Variants in AHCYL2 observed in about 807,000 individuals in gnomAD.
AHCYL2 encodes adenosylhomocysteinase like 2.
A neutral mutation model predicts 81.4 loss-of-function variants in AHCYL2; 28 were observed. The observed-to-expected ratio is 0.34, with a 90% CI of 0.25 to 0.47. AHCYL2 has a LOEUF of 0.47. Among genes scored for constraint, AHCYL2 ranks in the 20% least tolerant of loss-of-function variants. The probability of loss-of-function intolerance (pLI) is 1.00; values close to 1 mark genes in which losing one functional copy is unlikely to be tolerated. For missense variants in AHCYL2, 551 were observed against 785.1 expected, an observed-to-expected ratio of 0.70 and a Z score of 3.56; for synonymous variants, 272 against 290.2, an observed-to-expected ratio of 0.94 and a Z score of 0.64.
chr7:129,277,812 T>C (rs1366363362), intron 1 of AHCYL2, among the ~76,000 whole-genome samples: 1 of 152,212 alleles, frequency 6.6e-6, no homozygotes, highest in African/African-American at 2.4e-5. Context: ...CATCGTATGG[T>C]TAGACCACAT....
chr7:129,415,178 C>A (rs1796785537), intron 12 of AHCYL2, among the ~76,000 whole-genome samples: 1 of 152,120 alleles, frequency 6.6e-6, no homozygotes, highest in Admixed American at 6.5e-5. Flanking sequence ...GCTGAATGAT[C>A]AAGGATATTA....
At chr7:129,331,863 T>TAA (rs200561975) in intron 1 of AHCYL2, among the ~76,000 whole-genome samples, 1 of 150,690 alleles carries the variant, frequency 6.6e-6, no homozygotes, top group African/African-American at 2.4e-5. Context: ...TTAATTTAAT[T>TAA]AAAAAATATA....
intron 12 of AHCYL2, among the ~76,000 whole-genome samples, chr7:129,415,741 A>G (rs1193102546): frequency 6.6e-6 from 1 of 152,148 alleles, no homozygotes; most frequent in Non-Finnish European, 1.5e-5. Flanking sequence ...ACTTGAGCCC[A>G]GGAGTTCGAG....
intron 1 of AHCYL2, among the ~76,000 whole-genome samples, chr7:129,364,318 G>A (rs987925046): frequency 2.0e-5 from 3 of 151,778 alleles, no homozygotes; most frequent in Non-Finnish European, 4.4e-5. Flanking sequence ...TTTTTGAGAC[G>A]GAGTCTCACT....
rs537638912 is a variant in AHCYL2, at chr7:129,404,547, C to T, written c.1026-550C>T. ...AAAATTAGCTGAGTGTGGTGGCGGG[C>T]GCCTATAATCCCAGCTACTCAGGAG... On this transcript the variant is annotated intron_variant, in intron 7 of 16. Coordinates refer to ENST00000325006, the MANE Select transcript of AHCYL2 (RefSeq NM_015328.4). Among the ~76,000 whole-genome samples the T allele has an allele frequency of 4.6e-5, 7 of 152,194 alleles. No homozygotes were observed. In the South Asian group the frequency reaches 1.0e-3, roughly 23 times the overall value.
chr7:129,392,196 C>T (rs1795502583), intron 4 of AHCYL2, among the ~76,000 whole-genome samples: 2 of 151,916 alleles, frequency 1.3e-5, no homozygotes, highest in African/African-American at 2.4e-5. Context: ...AAAAAAATAA[C>T]GACAAAGAAA....
intron 1 of AHCYL2, among the ~76,000 whole-genome samples, chr7:129,304,026 G>C (rs1158407825): frequency 6.6e-6 from 1 of 152,044 alleles, no homozygotes; most frequent in Non-Finnish European, 1.5e-5. Flanking sequence ...GCTGGAGGTT[G>C]CATTGAGCTG....
chr7:129,335,938 TG>T (rs985179491), intron 1 of AHCYL2, among the ~76,000 whole-genome samples: 9 of 152,158 alleles, frequency 5.9e-5, no homozygotes, highest in African/African-American at 1.9e-4. Context: ...TCAGAGAATT[TG>T]GGGGCCACGT....
At chr7:129,328,012 GATT>G (rs1201388076) in intron 1 of AHCYL2, among the ~76,000 whole-genome samples, 3 of 152,122 alleles carry the variant, frequency 2.0e-5, no homozygotes, top group Admixed American at 2.0e-4. Context: ...GGATTAGCCT[GATT>G]TTGAACTCCT....
At position 129,426,908 on chromosome 7, in the gene AHCYL2, C is replaced by G; in HGVS notation, c.1830-131C>G. ...TTTTCAATGATGTGAAAAGGAAACA[C>G]AGTTATTTCCTGTCACTGTACACTC... On this transcript the variant is annotated intron_variant, in intron 16 of 16. Transcript: ENST00000325006. This position sits in a 1 kb window ranked among gnomAD's most constrained non-coding sequence, Gnocchi z 4.3. 1.2e-6 allele frequency: 1 copy of G among 868,882 alleles called. No individual in the cohort carries two copies. Among genetic ancestry groups the G allele is most frequent in the East Asian group, 2.5e-5 (1 of 40,196 alleles). 53.8% of individuals were successfully genotyped at this position (868,882 alleles called of 1,614,324 possible). A position where few individuals can be genotyped will look rare whatever the true frequency, so the allele number is the denominator to read the frequency against.
At chr7:129,336,619 T>G (rs1249445656) in intron 1 of AHCYL2, among the ~76,000 whole-genome samples, 1 of 152,170 alleles carries the variant, frequency 6.6e-6, no homozygotes, top group Non-Finnish European at 1.5e-5. Context: ...TAGGTAAGAC[T>G]GGAGGCAAAA....
At chr7:129,259,955 A>C (rs1226641978) in intron 1 of AHCYL2, among the ~76,000 whole-genome samples, 2 of 152,118 alleles carry the variant, frequency 1.3e-5, no homozygotes, top group African/African-American at 4.8e-5. Flanking sequence ...ATGTGCCTGT[A>C]ATCCCAGCTA....
intron 1 of AHCYL2, among the ~76,000 whole-genome samples, chr7:129,321,866 C>G (rs925836232): frequency 6.6e-6 from 1 of 150,492 alleles, no homozygotes; most frequent in Admixed American, 6.6e-5. Context: ...ACCTCCACCT[C>G]CCAGGTTCAA....
chr7:129,327,647 G>C (rs886449414), intron 1 of AHCYL2, among the ~76,000 whole-genome samples: 1 of 152,008 alleles, frequency 6.6e-6, no homozygotes, highest in Non-Finnish European at 1.5e-5. Flanking sequence ...TGTATTTTTT[G>C]TAGAGACGAG....
At position 129,229,545 on chromosome 7, in the gene AHCYL2, A is replaced by G. The variant is rs1406705519; in HGVS notation, c.363+4106A>G. Among the ~76,000 whole-genome samples the G allele has an allele frequency of 2.0e-5, 3 of 152,342 alleles. No homozygotes were observed. In the East Asian group the frequency reaches 5.8e-4, roughly 29 times the overall value. ...CTTAAATCCAGGGCTGTCCGTCTCC[A>G]AAGCCCATGTCCTTTTCATTATGCC... On this transcript the variant is annotated intron_variant, in intron 1 of 16. Transcript: ENST00000325006.
At chr7:129,268,208 T>A (rs1477388885) in intron 1 of AHCYL2, among the ~76,000 whole-genome samples, 1 of 152,218 alleles carries the variant, frequency 6.6e-6, no homozygotes. Flanking sequence ...TTGAGGATCT[T>A]GTTTTTACCA....
intron 13 of AHCYL2, among the ~76,000 whole-genome samples, chr7:129,424,229 A>G (rs1281441014): frequency 1.3e-5 from 2 of 151,872 alleles, no homozygotes; most frequent in African/African-American, 4.8e-5. Flanking sequence ...TCTCTACAAA[A>G]AAAAAAAAAA....
At chr7:129,329,082 C>T (rs1798326866) in intron 1 of AHCYL2, among the ~76,000 whole-genome samples, 1 of 152,188 alleles carries the variant, frequency 6.6e-6, no homozygotes, top group African/African-American at 2.4e-5. Context: ...TTATGGTCAA[C>T]CAAATGAGAG....
At chr7:129,242,085 A>G (rs1794879399) in intron 1 of AHCYL2, among the ~76,000 whole-genome samples, 1 of 152,142 alleles carries the variant, frequency 6.6e-6, no homozygotes, top group South Asian at 2.1e-4. Context: ...CATAAATGGT[A>G]TTTATGTATT....
Sources: gnomAD v4.1 joint callset for allele counts (sites outside exome capture counted in the v4.1 genomes callset) on GRCh38, gnomAD v4.1.1 for gene constraint, Gnocchi (gnomAD v3.1) non-coding constraint, MANE v1.5 for transcripts, NCBI Gene and HGNC (gene_info 2026-07-23, HGNC 2026-07-21) for gene names.